The following NXN variants were observed in gnomAD, a reference collection of about 807,000 sequenced individuals.
The protein encoded by NXN is nucleoredoxin.
In NXN, 16 loss-of-function variants were observed where a neutral mutation model predicts 48.6. The observed-to-expected ratio is 0.33, with a 90% CI of 0.22 to 0.50. The LOEUF (loss-of-function observed/expected upper bound fraction) is 0.50. Ranked by LOEUF, NXN falls within the 20% of genes least tolerant of loss-of-function variation. The pLI is 0.98. For synonymous variants in NXN, 281 were observed against 269.6 expected (o/e 1.04, Z -0.41); for missense variants, 492 against 605.5 (o/e 0.81, Z 1.97).
intron 1 of NXN, among the ~76,000 whole-genome samples, chr17:910,319 G>A (rs568442202): frequency 6.6e-6 from 1 of 152,112 alleles, no homozygotes; most frequent in East Asian, 1.9e-4. Flanking sequence ...GGCTGAGGGA[G>A]GAGAATCACT....
intron 1 of NXN, among the ~76,000 whole-genome samples, chr17:898,041 G>C (rs1349160652): frequency 6.6e-6 from 1 of 152,178 alleles, no homozygotes; most frequent in African/African-American, 2.4e-5. Flanking sequence ...CATGGATTGA[G>C]CTGGTCAAGC....
At chr17:888,272 G>A (rs1038164662) in intron 1 of NXN, among the ~76,000 whole-genome samples, 1 of 152,202 alleles carries the variant, frequency 6.6e-6, no homozygotes, top group Non-Finnish European at 1.5e-5. Flanking sequence ...AGGCTGGAGT[G>A]CAGGGGTGCA....
At chr17:811,207 G>C (rs1911976536) in intron 5 of NXN, among the ~76,000 whole-genome samples, 1 of 152,172 alleles carries the variant, frequency 6.6e-6, no homozygotes, top group Admixed American at 6.5e-5. Flanking sequence ...CCTCACCCCG[G>C]CCGCCCGGCA....
At chr17:957,402 A>G (rs531038812) in intron 1 of NXN, among the ~76,000 whole-genome samples, 1 of 152,070 alleles carries the variant, frequency 6.6e-6, no homozygotes, top group South Asian at 2.1e-4. Flanking sequence ...GGGAGGCCAA[A>G]GCGGGTGGAT....
chr17:845,163 T>A (rs1354951013), intron 1 of NXN, among the ~76,000 whole-genome samples: 1 of 152,132 alleles, frequency 6.6e-6, no homozygotes, highest in Non-Finnish European at 1.5e-5. Flanking sequence ...CGGGAGGTGA[T>A]CCACTGAATT....
intron 1 of NXN, among the ~76,000 whole-genome samples, chr17:898,506 C>T (rs1420185839): frequency 1.4e-5 from 1 of 69,412 alleles, no homozygotes; most frequent in African/African-American, 3.3e-5. Flanking sequence ...CAGCTTTGAT[C>T]TTCTTTACCT....
chr17:883,029 C>T (rs1378817367), intron 1 of NXN, among the ~76,000 whole-genome samples: 1 of 152,186 alleles, frequency 6.6e-6, no homozygotes, highest in Non-Finnish European at 1.5e-5. Flanking sequence ...ATTGGGATTA[C>T]AGGCGTGAGC....
chr17:910,605 G>T lies in NXN; in HGVS notation c.360+68714C>A, dbSNP rs536729986. 3 of 152,170 alleles carry T rather than the reference G, an allele frequency of 2.0e-5. No individual in the cohort carries two copies. The East Asian group carries it at 5.8e-4, about 29-fold the overall frequency. The allele number at this position is 152,170 out of a possible 1,614,324, so 9.4% of individuals were successfully genotyped here. ...GCTACAAATGCTCAGAACTGATGAT[G>T]TTTTTTTAAAAAAGCAACATACTTT... On this transcript the variant is annotated intron_variant, in intron 1 of 7. Coordinates refer to ENST00000336868, the MANE Select transcript of NXN (RefSeq NM_022463.5).
intron 5 of NXN, among the ~76,000 whole-genome samples, chr17:815,381 T>C (rs36070070): frequency 6.7e-6 from 1 of 148,700 alleles, no homozygotes; most frequent in East Asian, 2.0e-4. Flanking sequence ...GACGAGGCAC[T>C]CACAGTTCAG....
chr17:885,100 A>G (rs1275575266), intron 1 of NXN, among the ~76,000 whole-genome samples: 1 of 152,232 alleles, frequency 6.6e-6, no homozygotes, highest in Non-Finnish European at 1.5e-5. Context: ...AGAGAGGTCC[A>G]GGAAAGGGTC....
At chr17:814,687 G>A (rs369033462) in intron 5 of NXN, among the ~76,000 whole-genome samples, 11 of 152,320 alleles carry the variant, frequency 7.2e-5, no homozygotes, top group East Asian at 3.9e-4. Flanking sequence ...GTGACTTCCC[G>A]TGGAGCTCAG....
intron 1 of NXN, among the ~76,000 whole-genome samples, chr17:977,413 C>T (rs2586279): frequency 0.012 from 1,842 of 152,370 alleles, 37 homozygotes; most frequent in African/African-American, 0.042. Context: ...CAGGCTAGGG[C>T]CGCAGAATAC....
chr17:881,837 G>A (rs1356067984), intron 1 of NXN, among the ~76,000 whole-genome samples: 2 of 152,118 alleles, frequency 1.3e-5, no homozygotes, highest in African/African-American at 2.4e-5. Context: ...ATCATGCTGA[G>A]CAAATGAAGC....
At chr17:842,039 G>A (rs577737280) in intron 1 of NXN, among the ~76,000 whole-genome samples, 17 of 152,256 alleles carry the variant, frequency 1.1e-4, no homozygotes, top group East Asian at 1.9e-4. Context: ...AGGAGGCTGC[G>A]GCAGGAGAAT....
At chr17:884,046 G>A (rs746226089) in intron 1 of NXN, among the ~76,000 whole-genome samples, 13 of 151,974 alleles carry the variant, frequency 8.6e-5, no homozygotes, top group Non-Finnish European at 1.8e-4. Flanking sequence ...GTGAAACCCT[G>A]TCTCTACTAA....
At chr17:806,038 G>C (rs1043270197) in intron 5 of NXN, among the ~76,000 whole-genome samples, 6 of 151,934 alleles carry the variant, frequency 3.9e-5, no homozygotes, top group Admixed American at 6.5e-5. Flanking sequence ...CACAGTGAGC[G>C]CAGGGCCAGT....
At chr17:868,471 T>G (rs967486258) in intron 1 of NXN, among the ~76,000 whole-genome samples, 1 of 151,644 alleles carries the variant, frequency 6.6e-6, no homozygotes, top group Non-Finnish European at 1.5e-5. Context: ...CTTTTTTTGT[T>G]TTTTTTTTGG....
rs2069512758 is a variant in NXN at position 979,522 on chromosome 17, G to A, written c.157C>T (p.Leu53=). ...CGCAGGCGCCCGTAGAAGGCGGCCA[G>A]GCTGGCGCTGAGCTGCGCGCAGGGG... ...SAPCAQLSAS[L]AAFYGRLRGD... The change falls in exon 1 of 8, where the codon CTG becomes TTG. Residue 53 remains leucine, a synonymous_variant. Transcript: ENST00000336868. 1 of 1,290,816 alleles carries A rather than the reference G, an allele frequency of 7.7e-7. No homozygotes were observed. The highest frequency in any genetic ancestry group is 9.9e-7 in the Non-Finnish European group (1 of 1,012,710). The allele number at this position is 1,290,816 out of a possible 1,614,324, so 80.0% of individuals were successfully genotyped here. A position where few individuals can be genotyped will look rare whatever the true frequency, so the allele number is the denominator to read the frequency against.
At chr17:955,800 G>A (rs1172790522) in intron 1 of NXN, among the ~76,000 whole-genome samples, 2 of 152,084 alleles carry the variant, frequency 1.3e-5, no homozygotes, top group East Asian at 3.9e-4. Context: ...AACTCGGGAG[G>A]CTGAGGCAGG....
Sources: allele counts gnomAD v4.1 joint callset (sites outside exome capture counted in the v4.1 genomes callset), GRCh38; gene constraint gnomAD v4.1.1; transcripts MANE v1.5; gene names NCBI Gene and HGNC (gene_info 2026-07-23, HGNC 2026-07-21).